The following ATRX variants were observed in gnomAD, a reference collection of about 807,000 sequenced individuals.
The protein encoded by ATRX is ATRX chromatin remodeler.
ATRX carries 12 observed loss-of-function variants against 172.6 expected under a neutral mutation model. The ratio of observed to expected loss-of-function variants is 0.07; its 90% CI spans 0.04 to 0.11. The LOEUF is 0.11. Among genes scored for constraint, ATRX ranks in the 10% least tolerant of loss-of-function variants. The pLI, the probability that ATRX is intolerant of heterozygous loss-of-function variation, is 1.00. For missense variants in ATRX, 1,368 were observed against 1,767.4 expected, an observed-to-expected ratio of 0.77 and a Z score of 4.05; for synonymous variants, 674 against 594.7, an observed-to-expected ratio of 1.13 and a Z score of -1.94.
intron 22 of ATRX, among the ~76,000 whole-genome samples, chrX:77,603,720 G>A (rs1569529266): frequency 1.8e-5 from 2 of 110,536 alleles, no homozygotes; most frequent in Non-Finnish European, 3.8e-5. Flanking sequence ...CACATTACTT[G>A]ACTTCATATT....
Position 77,684,609 on chromosome X carries a change from G to A in ATRX, c.663-16C>T, listed in dbSNP as rs781981978. The A allele has an allele frequency of 8.4e-7, 1 of 1,185,857 alleles. No individual in the cohort carries two copies. Among genetic ancestry groups the A allele is most frequent in the African/African-American group, 1.7e-5 (1 of 57,201 alleles). ...CGCACACCACCTGAAATGTTTTAAA[G>A]ATTAAAACATTATTCCCTTCTTTCA... On this transcript the variant is annotated splice_polypyrimidine_tract_variant and intron_variant, in intron 8 of 34. Coordinates refer to ENST00000373344, the MANE Select transcript of ATRX (RefSeq NM_000489.6).
rs143406834 is a variant in ATRX, at chrX:77,562,931, T to G, written c.6327-4085A>C. ...TAGCCTTCTTCAGAGAAGTGTCAGTTCAAGTCCTTTGCCCATTTACTAACT... is the reference window on the plus strand; with the variant it reads ...TAGCCTTCTTCAGAGAAGTGTCAGTGCAAGTCCTTTGCCCATTTACTAACT... On this transcript the variant is annotated intron_variant, in intron 28 of 34. Coordinates refer to ENST00000373344, the MANE Select transcript of ATRX (RefSeq NM_000489.6). Among the ~76,000 whole-genome samples the G allele has an allele frequency of 1.1e-3, 123 of 112,419 alleles. 1 individual carries two copies. The East Asian group carries it at 0.023, about 21-fold the overall frequency.
intron 2 of ATRX, among the ~76,000 whole-genome samples, chrX:77,710,465 T>C (rs2073056511): frequency 9.0e-6 from 1 of 111,325 alleles, no homozygotes; most frequent in Admixed American, 9.6e-5. Flanking sequence ...ATCCCTAATC[T>C]GAAAATCCCA....
intron 30 of ATRX, among the ~76,000 whole-genome samples, chrX:77,547,797 C>T (rs558032146): frequency 2.7e-5 from 3 of 111,488 alleles, no homozygotes; most frequent in African/African-American, 6.5e-5. Flanking sequence ...TCTTCTGCAG[C>T]TTAGCTGAGA....
chrX:77,648,068 A>AAC (rs2069005250), intron 15 of ATRX, among the ~76,000 whole-genome samples: 1 of 111,783 alleles, frequency 8.9e-6, no homozygotes, highest in Non-Finnish European at 1.9e-5. Context: ...TTAAAGGGGG[A>AAC]ATTAACCAGA....
chrX:77,727,447 T>C (rs1262875492), intron 1 of ATRX, among the ~76,000 whole-genome samples: 1 of 111,248 alleles, frequency 9.0e-6, no homozygotes, highest in Non-Finnish European at 1.9e-5. Flanking sequence ...CTATCAATGG[T>C]ACACTGGATA....
intron 30 of ATRX, among the ~76,000 whole-genome samples, chrX:77,545,132 T>C (rs536713343): frequency 3.6e-5 from 4 of 112,631 alleles, no homozygotes; most frequent in African/African-American, 9.6e-5. Flanking sequence ...TGTAGATTTG[T>C]TTAAAGCTAA....
At position 77,721,446 on chromosome X, in the gene ATRX, C is replaced by T. The variant is rs1465136328; in HGVS notation, c.21-4203G>A. 3.6e-5 allele frequency among the ~76,000 whole-genome samples: 4 copies of T among 112,218 alleles called. No individual in the cohort carries two copies. In the Admixed American group the frequency reaches 3.8e-4, roughly 11 times the overall value. On this transcript the variant is annotated intron_variant, in intron 1 of 34. Transcript: ENST00000373344. ...AAACCCCACCATCTCAGCCCAAAATCTCCTTAAGCTGACAAGCAACTTCAG... is the reference window on the plus strand; with the variant it reads ...AAACCCCACCATCTCAGCCCAAAATTTCCTTAAGCTGACAAGCAACTTCAG...
chrX:77,672,157 C>A (rs1341565096), intron 10 of ATRX, among the ~76,000 whole-genome samples: 1 of 110,756 alleles, frequency 9.0e-6, no homozygotes, highest in Non-Finnish European at 1.9e-5. Context: ...ATTTAAAACG[C>A]CACCTTTGTT....
At chrX:77,555,692 C>A (rs1365974773) in intron 30 of ATRX, among the ~76,000 whole-genome samples, 2 of 109,538 alleles carry the variant, frequency 1.8e-5, no homozygotes, top group Admixed American at 2.0e-4. Context: ...ACATCACCCA[C>A]TGGGGCCTGT....
chrX:77,709,531 G>C (rs1372830661), intron 2 of ATRX, among the ~76,000 whole-genome samples: 7 of 110,380 alleles, frequency 6.3e-5, no homozygotes, highest in African/African-American at 2.3e-4. Context: ...CCCCAGTGAT[G>C]CTACCTTACC....
chrX:77,710,203 G>A (rs1339603659), intron 2 of ATRX, among the ~76,000 whole-genome samples: 2 of 109,335 alleles, frequency 1.8e-5, no homozygotes, highest in Admixed American at 2.0e-4. Flanking sequence ...GGAGGCTGAA[G>A]CAGGAGAATC....
intron 15 of ATRX, among the ~76,000 whole-genome samples, chrX:77,642,674 A>C (rs1393128398): frequency 1.8e-5 from 2 of 110,486 alleles, no homozygotes; most frequent in East Asian, 5.7e-4. Context: ...AAAAAAAAAG[A>C]AGGGAAAATG....
chrX:77,591,237 CTCTGAGAAATAGT>C (rs1352271585), intron 26 of ATRX, among the ~76,000 whole-genome samples: 3 of 111,728 alleles, frequency 2.7e-5, no homozygotes, highest in African/African-American at 9.7e-5. Flanking sequence ...TTTGCAGGGG[CTCTGAGAAATAGT>C]TCTAAAATGA....
Position 77,683,981 on chromosome X carries a change from T to G in ATRX, c.1275A>C (p.Lys425Asn), listed in dbSNP as rs2071408419. Reference protein sequence around the residue: ...SEFRAMDAVNKEKNTKEHKVI... With the variant: ...SEFRAMDAVNNEKNTKEHKVI... ...CTTTATGCTCTTTGGTATTTTTCTC[T>G]TTGTTTACAGCATCCATCGCTCGAA... The change falls in exon 9 of 35, where the codon AAA (lysine) becomes AAC (asparagine). Residue 425 changes from lysine to asparagine, a missense_variant. Lys to Asn is a moderately conservative substitution (Grantham distance 94). Transcript: ENST00000373344. 8.3e-7 allele frequency: 1 copy of G among 1,210,405 alleles called. No homozygotes were observed. Among genetic ancestry groups the G allele is most frequent in the Non-Finnish European group, 1.1e-6 (1 of 894,192 alleles).
At chrX:77,783,475 T>G (rs781860267) in intron 1 of ATRX, among the ~76,000 whole-genome samples, 6 of 111,681 alleles carry the variant, frequency 5.4e-5, no homozygotes, top group Non-Finnish European at 1.1e-4. Flanking sequence ...TTTTCCTTCC[T>G]CTTGTCTTCT....
At chrX:77,705,961 C>A (rs1441340987) in intron 2 of ATRX, among the ~76,000 whole-genome samples, 1 of 110,158 alleles carries the variant, frequency 9.1e-6, no homozygotes, top group African/African-American at 3.3e-5. Context: ...GAAATAAACC[C>A]ATATATCTAT....
At chrX:77,576,381 TAC>T (rs1271496415) in intron 27 of ATRX, among the ~76,000 whole-genome samples, 1 of 111,011 alleles carries the variant, frequency 9.0e-6, no homozygotes, top group Non-Finnish European at 1.9e-5. Context: ...TATATTTAAC[TAC>T]AGTCAAATGT....
chrX:77,608,950 C>T (rs2067037026), intron 22 of ATRX, among the ~76,000 whole-genome samples: 1 of 111,898 alleles, frequency 8.9e-6, no homozygotes, highest in Admixed American at 9.5e-5. Context: ...AGACATTTCT[C>T]AAAAGAAGAC....
Sources: allele counts gnomAD v4.1 joint callset (sites outside exome capture counted in the v4.1 genomes callset), GRCh38; gene constraint gnomAD v4.1.1; transcripts MANE v1.5; gene names NCBI Gene and HGNC (gene_info 2026-07-23, HGNC 2026-07-21).